The following ST6GAL1 variants were observed in gnomAD, a reference collection of about 807,000 sequenced individuals.
The protein encoded by ST6GAL1 is ST6 beta-galactoside alpha-2,6-sialyltransferase 1.
A neutral mutation model predicts 38.0 loss-of-function variants in ST6GAL1; 20 were observed. The observed-to-expected ratio is 0.53, with a 90% CI of 0.37 to 0.77. The LOEUF (loss-of-function observed/expected upper bound fraction) is 0.77. ST6GAL1 is among the 30% of genes least tolerant of loss of function. The pLI, the probability that ST6GAL1 is intolerant of heterozygous loss-of-function variation, is 0.00. For synonymous variants in ST6GAL1, 196 were observed against 188.2 expected, an observed-to-expected ratio of 1.04 and a Z score of -0.34; for missense variants, 432 against 496.4, an observed-to-expected ratio of 0.87 and a Z score of 1.23.
intron 5 of ST6GAL1, among the ~76,000 whole-genome samples, chr3:187,064,994 C>A (rs775195872): frequency 1.5e-5 from 2 of 131,008 alleles, no homozygotes; most frequent in African/African-American, 2.9e-5. Context: ...GACAGCAGCT[C>A]TCTTCTTTTT....
intron 1 of ST6GAL1, among the ~76,000 whole-genome samples, chr3:186,935,016 T>C (rs1019950070): frequency 6.6e-6 from 1 of 152,124 alleles, no homozygotes; most frequent in Non-Finnish European, 1.5e-5. Context: ...TTTAAACTTT[T>C]ATTTTGGGTT....
At chr3:186,976,208 C>T (rs1193207523) in intron 2 of ST6GAL1, among the ~76,000 whole-genome samples, 4 of 152,136 alleles carry the variant, frequency 2.6e-5, no homozygotes, top group African/African-American at 9.7e-5. Context: ...CTTTGCTTTC[C>T]TTTGATTTCT....
chr3:186,946,010 A>G (rs4686815), intron 1 of ST6GAL1, among the ~76,000 whole-genome samples: 122,964 of 132,666 alleles, frequency 0.93, 57,776 homozygotes, highest in Non-Finnish European at 1. Flanking sequence ...AAAAAAAAAG[A>G]AGGGTACCTT....
At chr3:187,029,570 G>A (rs549481189) in intron 2 of ST6GAL1, among the ~76,000 whole-genome samples, 4 of 152,304 alleles carry the variant, frequency 2.6e-5, no homozygotes, top group East Asian at 1.9e-4. Context: ...AGTAGTGGGC[G>A]AGTGCCAGAT....
At chr3:187,013,811 C>T (rs1376638263) in intron 2 of ST6GAL1, among the ~76,000 whole-genome samples, 2 of 152,126 alleles carry the variant, frequency 1.3e-5, no homozygotes, top group Non-Finnish European at 2.9e-5. Flanking sequence ...TCTCTGACTC[C>T]CGACCTCAGG....
At chr3:186,943,373 G>C (rs998546857) in intron 1 of ST6GAL1, among the ~76,000 whole-genome samples, 1 of 152,198 alleles carries the variant, frequency 6.6e-6, no homozygotes, top group Non-Finnish European at 1.5e-5. Context: ...CGGGACTTGA[G>C]GCTGGAACCA....
rs190240165 is a variant in ST6GAL1 at position 187,018,127 on chromosome 3, T to C, written c.-182-20615T>C. Among the ~76,000 whole-genome samples, 6 of 152,244 alleles carry C rather than the reference T, an allele frequency of 3.9e-5. No homozygotes were observed. In the East Asian group the frequency reaches 9.6e-4, roughly 24 times the overall value. On this transcript the variant is annotated intron_variant, in intron 2 of 7. Transcript: ENST00000169298. ...TGCCTTTGCCTGGTGAGTGCTGAGA[T>C]GGAGAGGCAGGCTGGTATCTGTTTG...
intron 2 of ST6GAL1, among the ~76,000 whole-genome samples, chr3:186,979,827 C>T (rs557272526): frequency 1.3e-5 from 2 of 152,214 alleles, no homozygotes; most frequent in East Asian, 3.9e-4. Context: ...ATCCTGGTCT[C>T]GGGCACTTTA....
At chr3:186,979,996 C>T (rs1312248524) in intron 2 of ST6GAL1, among the ~76,000 whole-genome samples, 2 of 152,182 alleles carry the variant, frequency 1.3e-5, no homozygotes, top group African/African-American at 4.8e-5. Context: ...TCCGTATACC[C>T]TACAGGCAGA....
intron 5 of ST6GAL1, among the ~76,000 whole-genome samples, chr3:187,067,117 G>A (rs1719187296): frequency 9.3e-6 from 1 of 107,072 alleles, no homozygotes. Flanking sequence ...TGGAGACAGA[G>A]TCTCTGTCAC....
At position 187,076,527 on chromosome 3, in the gene ST6GAL1, G is replaced by A. The variant is rs967504458; in HGVS notation, c.*724G>A. On this transcript the variant is annotated 3_prime_UTR_variant, in exon 8 of 8. Coordinates refer to ENST00000169298, the MANE Select transcript of ST6GAL1 (RefSeq NM_173216.2). ...GGCAGACATCTGAACAGGCAGGTAG[G>A]ATTCAGTGTGCTCAGTGCACTGGGG... 2.1e-4 allele frequency: 59 copies of A among 285,860 alleles called. No homozygotes were observed. Among genetic ancestry groups the A allele is most frequent in the African/African-American group, 1.3e-3 (59 of 45,984 alleles). 17.7% of individuals were successfully genotyped at this position (285,860 alleles called of 1,614,324 possible). A position where few individuals can be genotyped will look rare whatever the true frequency, so the allele number is the denominator to read the frequency against.
intron 2 of ST6GAL1, among the ~76,000 whole-genome samples, chr3:187,036,906 T>A (rs560762350): frequency 1.3e-5 from 2 of 152,248 alleles, no homozygotes; most frequent in South Asian, 2.1e-4. Flanking sequence ...AATTATTTTT[T>A]AAAAAAACCC....
rs1159185109 is a variant in ST6GAL1 at position 186,952,073 on chromosome 3, C to T, written c.-324-11712C>T. Reference sequence around the variant, plus strand: ...GAGGTTTATTTGGCTCATGATTCTGCAGGCTGTACAGGCATGGCACCCACA... The same window carrying T: ...GAGGTTTATTTGGCTCATGATTCTGTAGGCTGTACAGGCATGGCACCCACA... On this transcript the variant is annotated intron_variant, in intron 1 of 7. Coordinates refer to ENST00000169298, the MANE Select transcript of ST6GAL1 (RefSeq NM_173216.2). This position sits in a 1 kb window ranked among gnomAD's most constrained non-coding sequence, Gnocchi z 4.1. 6.6e-6 allele frequency among the ~76,000 whole-genome samples: 1 copy of T among 152,174 alleles called. No individual in the cohort carries two copies. Among genetic ancestry groups the T allele is most frequent in the Non-Finnish European group, 1.5e-5 (1 of 68,032 alleles).
rs146733821 is a variant in ST6GAL1 at position 186,966,642 on chromosome 3, C to G, written c.-183+2716C>G. Among the ~76,000 whole-genome samples, 76 of 152,290 alleles carry G rather than the reference C, an allele frequency of 5.0e-4. No individual in the cohort carries two copies. In the East Asian group the frequency reaches 0.01, roughly 20 times the overall value. On this transcript the variant is annotated intron_variant, in intron 2 of 7. Transcript: ENST00000169298. Reference sequence around the variant, plus strand: ...AGCTTTGCAAAATGCTACACTGTTCCTTTCAAACCCCAAGGTCTCTTCCTT... The same window carrying G: ...AGCTTTGCAAAATGCTACACTGTTCGTTTCAAACCCCAAGGTCTCTTCCTT...
chr3:187,050,534 A>AAGAGAGAGAGAGAGAG lies in ST6GAL1; in HGVS notation c.608-704_608-689dup, dbSNP rs147505225. 3.3e-3 allele frequency among the ~76,000 whole-genome samples: 290 copies of AAGAGAGAGAGAGAGAG among 87,858 alleles called. 1 individual carries two copies. The highest frequency in any genetic ancestry group is 6.4e-3 in the Non-Finnish European group (225 of 34,898). The allele number at this position is 87,858 out of a possible 152,430, so 57.6% of individuals were successfully genotyped here. A position where few individuals can be genotyped will look rare whatever the true frequency, so the allele number is the denominator to read the frequency against. ...TGTTTCTGACAATGGCTTACAAAGA[A>AAGAGAGAGAGAGAGAG]AGAGAGAGAGAGAGAGAGAGAGAGA... On this transcript the variant is annotated intron_variant, in intron 4 of 7. Transcript: ENST00000169298.
intron 1 of ST6GAL1, among the ~76,000 whole-genome samples, chr3:186,933,507 G>A (rs1260038084): frequency 6.6e-6 from 1 of 152,212 alleles, no homozygotes; most frequent in Non-Finnish European, 1.5e-5. Context: ...ATGGCCGAGC[G>A]AGCACAGGTG....
At chr3:187,048,880 ATTT>A (rs374148828) in intron 4 of ST6GAL1, among the ~76,000 whole-genome samples, 12 of 115,448 alleles carry the variant, frequency 1.0e-4, no homozygotes, top group African/African-American at 3.4e-4. Context: ...GAGAAATTGA[ATTT>A]TTTTTTTTTT....
rs112504327 is a variant in ST6GAL1, at chr3:187,056,721, G to A, written c.705+5375G>A. ...TGTGGGTAACCTGATGTTTCTCTCT[G>A]GCTGCCCTTAATATTTTTTCCTTCA... On this transcript the variant is annotated intron_variant, in intron 5 of 7. Coordinates refer to ENST00000169298, the MANE Select transcript of ST6GAL1 (RefSeq NM_173216.2). Among the ~76,000 whole-genome samples, 381 of 152,224 alleles carry A rather than the reference G, an allele frequency of 2.5e-3. 2 individuals are homozygous for A. Among genetic ancestry groups the A allele is most frequent in the African/African-American group, 8.8e-3 (367 of 41,516 alleles).
intron 2 of ST6GAL1, among the ~76,000 whole-genome samples, chr3:187,020,296 AAAAC>A (rs111267127): frequency 9.9e-5 from 15 of 151,852 alleles, no homozygotes; most frequent in East Asian, 5.8e-4. Context: ...CTCTGTCTCA[AAAAC>A]AAACAAACAA....
Sources: gnomAD v4.1 joint callset for allele counts (sites outside exome capture counted in the v4.1 genomes callset) on GRCh38, gnomAD v4.1.1 for gene constraint, Gnocchi (gnomAD v3.1) non-coding constraint, MANE v1.5 for transcripts, NCBI Gene and HGNC (gene_info 2026-07-23, HGNC 2026-07-21) for gene names.